The following MMP21 variants were observed in gnomAD, a reference collection of about 807,000 sequenced individuals.
MMP21 encodes matrix metallopeptidase 21, also known as matrix metalloproteinase-21.
In MMP21, 40 loss-of-function variants were observed where a neutral mutation model predicts 47.8. That is an observed-to-expected ratio of 0.84 (90% confidence interval 0.65 to 1.09). MMP21 has a LOEUF of 1.09. Ranked by LOEUF, MMP21 falls within the 50% of genes least tolerant of loss-of-function variation. The pLI, the probability that MMP21 is intolerant of heterozygous loss-of-function variation, is 0.00. For synonymous variants in MMP21, 341 were observed against 318.0 expected (o/e 1.07, Z -0.77); for missense variants, 747 against 775.3 (o/e 0.96, Z 0.43).
chr10:125,775,608 T>A, intron 1 of MMP21, 52 bp downstream of exon 1: 1 of 1,525,544 alleles, frequency 6.6e-7, no homozygotes, highest in Non-Finnish European at 8.8e-7. Context: ...CATGTGCCTG[T>A]GTGCACGTGC....
intron 1 of MMP21, among the ~76,000 whole-genome samples, chr10:125,775,335 A>T (rs984001199): frequency 6.6e-6 from 1 of 152,214 alleles, no homozygotes; most frequent in Non-Finnish European, 1.5e-5. Context: ...CAGCCACAGA[A>T]TGCCTTCGGA....
intron 5 of MMP21, 39 bp from the exon 6 acceptor site, chr10:125,767,743 T>C: frequency 6.3e-7 from 1 of 1,598,796 alleles, no homozygotes; most frequent in Non-Finnish European, 8.6e-7. Flanking sequence ...GGTTTATTAC[T>C]ATTAAATCAC....
In MMP21 at chr10:125,772,793, G is replaced by A; in HGVS notation, c.698-43C>T. 2 of 1,603,080 alleles carry A rather than the reference G, an allele frequency of 1.2e-6. No individual in the cohort carries two copies. Among genetic ancestry groups the A allele is most frequent in the Non-Finnish European group, 1.7e-6 (2 of 1,175,602 alleles). On this transcript the variant is annotated intron_variant, in intron 2 of 6. Transcript: ENST00000368808. This position sits in a 1 kb window ranked among gnomAD's most constrained non-coding sequence, Gnocchi z 5.6. ...GAGTTGGTCCCGGTGAAGGATGAGTGCCCCCCATACAGACTCCTCACCTAG... is the reference window on the plus strand; with the variant it reads ...GAGTTGGTCCCGGTGAAGGATGAGTACCCCCCATACAGACTCCTCACCTAG...
rs774972879 is a variant in MMP21 at position 125,766,777 on chromosome 10, T to C, written c.1595A>G (p.Asp532Gly). ...KGNAYWKVVN[D>G]KDKQQNSWLP... ...CCAGGAATTCTGTTGTTTGTCCTTG[T>C]CATTAACTACCTTCCAGTATGCATT... The change falls in exon 7 of 7, where the codon GAC (aspartate) becomes GGC (glycine). Residue 532 changes from aspartate (D) to glycine (G), a missense_variant. Asp to Gly is a moderately conservative substitution (Grantham distance 94). Coordinates refer to ENST00000368808, the MANE Select transcript of MMP21 (RefSeq NM_147191.1). The C allele has an allele frequency of 3.7e-6, 6 of 1,613,914 alleles. No homozygotes were observed. Among genetic ancestry groups the C allele is most frequent in the South Asian group, 2.2e-5 (2 of 91,056 alleles).
chr10:125,769,041 TTACC>T (rs1850415477), intron 5 of MMP21, among the ~76,000 whole-genome samples: 1 of 152,192 alleles, frequency 6.6e-6, no homozygotes, highest in South Asian at 2.1e-4. Flanking sequence ...TATGGTTATA[TTACC>T]AGGATTCAGG....
At position 125,772,342 on chromosome 10, in the gene MMP21, A is replaced by G; in HGVS notation, c.855T>C (p.Ile285=). 1.2e-6 allele frequency: 2 copies of G among 1,614,062 alleles called. No individual in the cohort carries two copies. The highest frequency in any genetic ancestry group is 4.5e-5 in the East Asian group (2 of 44,866). Residue 285 remains isoleucine, a synonymous_variant, in exon 4 of 7, where the codon ATT becomes ATC. Transcript: ENST00000368808. This position sits in a 1 kb window ranked among gnomAD's most constrained non-coding sequence, Gnocchi z 5.6. ...TGTGAGGCAAGCCCAGGACATGGCCAATTTCATGGACGGCCACCTAGAAGG... is the reference window on the plus strand; with the variant it reads ...TGTGAGGCAAGCCCAGGACATGGCCGATTTCATGGACGGCCACCTAGAAGG... ...ISLLKVAVHE[I]GHVLGLPHTY...
Position 125,773,957 on chromosome 10 carries a change from CG to C in MMP21, c.570del (p.Val191TrpfsTer18), listed in dbSNP as rs1850482948. 6.3e-7 allele frequency: 1 copy of C among 1,582,074 alleles called. No individual in the cohort carries two copies. Among genetic ancestry groups the C allele is most frequent in the Non-Finnish European group, 8.5e-7 (1 of 1,172,156 alleles). On this transcript the variant is annotated frameshift_variant, in exon 2 of 7. Coordinates refer to ENST00000368808, the MANE Select transcript of MMP21 (RefSeq NM_147191.1). LOFTEE classifies it high-confidence loss of function. The surrounding 1 kb of genome is among the most constrained non-coding windows in gnomAD (Gnocchi z 4.8). Reference protein sequence around the residue: ...LLGEALSSQLSVADQRRIVAL... With the variant: ...LLGEALSSQLXVADQRRIVAL... ...GCCACAATGCGCCGCTGGTCGGCCA[CG>C]GACAGTTGGCTGCTCAGGGCCTCGC... is the stretch of plus-strand genomic sequence containing the variant.
At chr10:125,767,789 C>T in intron 5 of MMP21, 85 bp from the exon 6 acceptor site, 1 of 1,393,400 alleles carries the variant, frequency 7.2e-7, no homozygotes, top group Non-Finnish European at 1.0e-6. Context: ...TAGGTCTCAG[C>T]CAATCCTGTA....
chr10:125,772,542 G>A lies in MMP21; in HGVS notation c.837+69C>T. 6.2e-7 allele frequency: 1 copy of A among 1,606,062 alleles called. No homozygotes were observed. The highest frequency in any genetic ancestry group is 1.3e-5 in the African/African-American group (1 of 74,896). On this transcript the variant is annotated intron_variant, in intron 3 of 6. Transcript: ENST00000368808. This position sits in a 1 kb window ranked among gnomAD's most constrained non-coding sequence, Gnocchi z 5.6. Reference sequence around the variant, plus strand: ...TGCGGACACTACATGAGAAAAGCTTGGACTTTTTGGACGTCAGCCCATGAG... The same window carrying A: ...TGCGGACACTACATGAGAAAAGCTTAGACTTTTTGGACGTCAGCCCATGAG...
rs10901425 is a variant in MMP21, at chr10:125,773,956, A to G, written c.572T>C (p.Val191Ala). Reference sequence around the variant, plus strand: ...CGCCACAATGCGCCGCTGGTCGGCCACGGACAGTTGGCTGCTCAGGGCCTC... The same window carrying G: ...CGCCACAATGCGCCGCTGGTCGGCCGCGGACAGTTGGCTGCTCAGGGCCTC... ...LGEALSSQLS[V>A]ADQRRIVALA... The change falls in exon 2 of 7, where the codon GTG becomes GCG. Residue 191 changes from valine (V) to alanine (A), a missense_variant. Physicochemically the swap from Val to Ala is moderately conservative, Grantham distance 64. Coordinates refer to ENST00000368808, the MANE Select transcript of MMP21 (RefSeq NM_147191.1). The surrounding 1 kb of genome is among the most constrained non-coding windows in gnomAD (Gnocchi z 4.8). The G allele has an allele frequency of 0.81, 1,274,709 of 1,581,052 alleles. 516,229 individuals carry two copies. The highest frequency in any genetic ancestry group is 0.82 in the Non-Finnish European group (966,304 of 1,171,686).
intron 4 of MMP21, among the ~76,000 whole-genome samples, chr10:125,770,968 T>C (rs1163999269): frequency 6.6e-6 from 1 of 152,040 alleles, no homozygotes; most frequent in Non-Finnish European, 1.5e-5. Context: ...AAGTTGAGGC[T>C]GCAGTGAGCT....
intron 4 of MMP21, among the ~76,000 whole-genome samples, chr10:125,771,922 A>G (rs1169755342): frequency 6.6e-6 from 1 of 152,014 alleles, no homozygotes; most frequent in Non-Finnish European, 1.5e-5. Context: ...GGGATGCCAC[A>G]GCACGGGTTG....
In MMP21 at chr10:125,775,812, C is replaced by T. The variant is rs762983237; in HGVS notation, c.10G>A (p.Ala4Thr). Residue 4 changes from alanine (A) to threonine (T), a missense_variant, in exon 1 of 7, where the codon GCC (alanine) becomes ACC (threonine). Physicochemically the swap from Ala to Thr is moderately conservative, Grantham distance 58. Coordinates refer to ENST00000368808, the MANE Select transcript of MMP21 (RefSeq NM_147191.1). MLAASIFRPTLLLC... is the reference protein window; with the variant it reads MLATSIFRPTLLLC... ...AGCAGTGTCGGACGGAAGATGGAGG[C>T]GGCGAGCATTGGCCTGGTCTGAACC... is the stretch of plus-strand genomic sequence containing the variant. 8 of 1,607,648 alleles carry T rather than the reference C, an allele frequency of 5.0e-6. No homozygotes were observed. The East Asian group carries it at 9.0e-5, about 18-fold the overall frequency.
At position 125,770,470 on chromosome 10, in the gene MMP21, A is replaced by C. The variant is rs758137866; in HGVS notation, c.1101T>G (p.Tyr367Ter). 31 of 1,614,096 alleles carry C rather than the reference A, an allele frequency of 1.9e-5. No homozygotes were observed. Among genetic ancestry groups the C allele is most frequent in the Non-Finnish European group, 2.5e-5 (30 of 1,180,054 alleles). ...YFFRNSWYWLYENRNNRTRYG... is the reference protein window; with the variant it reads ...YFFRNSWYWL ...AGCGTGTCCTATTGTTTCGATTTTCATAAAGCCAGTACCAGCTGTTACGGA... is the reference window on the plus strand; with the variant it reads ...AGCGTGTCCTATTGTTTCGATTTTCCTAAAGCCAGTACCAGCTGTTACGGA... Residue 367 changes from tyrosine (Y) to a stop codon, truncating the protein, a stop_gained, in exon 5 of 7, where the codon TAT becomes TAG. Transcript: ENST00000368808. LOFTEE classifies it high-confidence loss of function.
At position 125,772,144 on chromosome 10, in the gene MMP21, T is replaced by A; in HGVS notation, c.979+74A>T. The A allele has an allele frequency of 1.3e-6, 2 of 1,554,482 alleles. No homozygotes were observed. Among genetic ancestry groups the A allele is most frequent in the South Asian group, 2.3e-5 (2 of 85,478 alleles). On this transcript the variant is annotated intron_variant, in intron 4 of 6. Transcript: ENST00000368808. This position sits in a 1 kb window ranked among gnomAD's most constrained non-coding sequence, Gnocchi z 5.6. ...TTAGGCCCAGTTTCCCAGTGAGGAG[T>A]GAGCGGGGTCCTACAGTGCTCTGGA...
Position 125,773,770 on chromosome 10 carries a change from A to G in MMP21, c.697+61T>C. 1 of 1,440,996 alleles carries G rather than the reference A, an allele frequency of 6.9e-7. No homozygotes were observed. The allele number at this position is 1,440,996 out of a possible 1,614,324, so 89.3% of individuals were successfully genotyped here. A position where few individuals can be genotyped will look rare whatever the true frequency, so the allele number is the denominator to read the frequency against. Reference sequence around the variant, plus strand: ...TTCTGCAGGTGGCCGAGGTGGGGGTAGGTGCGCCGGGGTCCCCGAGGGGCT... The same window carrying G: ...TTCTGCAGGTGGCCGAGGTGGGGGTGGGTGCGCCGGGGTCCCCGAGGGGCT... On this transcript the variant is annotated intron_variant, in intron 2 of 6. Transcript: ENST00000368808. The surrounding 1 kb of genome is among the most constrained non-coding windows in gnomAD (Gnocchi z 4.8).
chr10:125,774,652 C>T (rs1850495680), intron 1 of MMP21, among the ~76,000 whole-genome samples: 1 of 152,138 alleles, frequency 6.6e-6, no homozygotes. Flanking sequence ...TGGATGGGCA[C>T]CAGGCTGAGT....
rs2133783617 is a variant in MMP21, at chr10:125,772,771, T to G, written c.698-21A>C. 6.2e-7 allele frequency: 1 copy of G among 1,607,832 alleles called. No individual in the cohort carries two copies. The highest frequency in any genetic ancestry group is 8.5e-7 in the Non-Finnish European group (1 of 1,177,288). On this transcript the variant is annotated intron_variant, in intron 2 of 6. Transcript: ENST00000368808. This position sits in a 1 kb window ranked among gnomAD's most constrained non-coding sequence, Gnocchi z 5.6. ...CCGGCCTGGCGAGGGGGAGGAGGAG[T>G]TGGTCCCGGTGAAGGATGAGTGCCC... is the stretch of plus-strand genomic sequence containing the variant.
At position 125,773,795 on chromosome 10, in the gene MMP21, TG is replaced by T; in HGVS notation, c.697+35del. The T allele has an allele frequency of 6.8e-7, 1 of 1,465,486 alleles. No individual in the cohort carries two copies. Among genetic ancestry groups the T allele is most frequent in the Non-Finnish European group, 9.0e-7 (1 of 1,113,384 alleles). 90.8% of individuals were successfully genotyped at this position (1,465,486 alleles called of 1,614,324 possible). On this transcript the variant is annotated intron_variant, in intron 2 of 6. Transcript: ENST00000368808. The surrounding 1 kb of genome is among the most constrained non-coding windows in gnomAD (Gnocchi z 4.8). The stretch of plus-strand genomic sequence containing the variant: ...AGGTGCGCCGGGGTCCCCGAGGGGC[TG>T]GGTCGGGCAGGCAGGGAGCCCGGGG...
Sources: gnomAD v4.1 joint callset for allele counts (sites outside exome capture counted in the v4.1 genomes callset) on GRCh38, gnomAD v4.1.1 for gene constraint, Gnocchi (gnomAD v3.1) non-coding constraint, MANE v1.5 for transcripts, NCBI Gene and HGNC (gene_info 2026-07-23, HGNC 2026-07-21) for gene names.